TIAM1: variants seen among roughly 807,000 people sequenced by gnomAD.
TIAM1 encodes TIAM Rac1 associated GEF 1.
Under a neutral mutation model 163.5 loss-of-function variants are expected in TIAM1, and 65 were observed. The ratio of observed to expected loss-of-function variants is 0.40; its 90% CI spans 0.33 to 0.49. The LOEUF (loss-of-function observed/expected upper bound fraction) is 0.49, where lower values mean the gene tolerates loss of function less well. Ranked by LOEUF, TIAM1 falls within the 20% of genes least tolerant of loss-of-function variation. The probability of loss-of-function intolerance (pLI) is 0.77; values close to 1 mark genes in which losing one functional copy is unlikely to be tolerated. For missense variants in TIAM1, 1,789 were observed against 2,044.7 expected (o/e 0.87, Z 2.41); for synonymous variants, 833 against 810.1 (o/e 1.03, Z -0.48).
At chr21:31,427,341 G>C (rs2043828434) in intron 2 of TIAM1, among the ~76,000 whole-genome samples, 1 of 151,980 alleles carries the variant, frequency 6.6e-6, no homozygotes, top group South Asian at 2.1e-4. Context: ...CAAAAAATTG[G>C]CCGGGCGTGG....
chr21:31,497,640 A>T (rs2046709923), intron 1 of TIAM1, among the ~76,000 whole-genome samples: 1 of 152,240 alleles, frequency 6.6e-6, no homozygotes. Flanking sequence ...CATATTGTGT[A>T]TTCAAAATAT....
intron 2 of TIAM1, among the ~76,000 whole-genome samples, chr21:31,397,248 A>G (rs182853002): frequency 5.9e-5 from 9 of 152,308 alleles, no homozygotes; most frequent in Admixed American, 3.3e-4. Context: ...ACAAAGAACT[A>G]TCATGCCCGT....
intron 2 of TIAM1, among the ~76,000 whole-genome samples, chr21:31,411,051 C>A (rs74599001): frequency 0.019 from 2,839 of 152,110 alleles, 80 homozygotes; most frequent in African/African-American, 0.065. Flanking sequence ...ACTGTCCTGC[C>A]CACTGGGGAT....
intron 3 of TIAM1, among the ~76,000 whole-genome samples, chr21:31,273,817 T>C (rs1401998721): frequency 7.2e-5 from 11 of 152,246 alleles, no homozygotes; most frequent in Admixed American, 7.2e-4. Flanking sequence ...AAAGCAACTA[T>C]TACAAGTGTG....
At chr21:31,162,472 T>C (rs749487109) in intron 16 of TIAM1, among the ~76,000 whole-genome samples, 8 of 152,096 alleles carry the variant, frequency 5.3e-5, no homozygotes, top group Admixed American at 2.0e-4. Context: ...AAATTTCAAA[T>C]AGAGAAGATG....
rs529301862 is a variant in TIAM1 at position 31,170,951 on chromosome 21, G to T, written c.2888-5886C>A. On this transcript the variant is annotated intron_variant, in intron 15 of 27. Coordinates refer to ENST00000541036, the MANE Select transcript of TIAM1 (RefSeq NM_001353694.2). Reference sequence around the variant, plus strand: ...CTCAGGAGGCTGAGGCAGGAGAACCGCTTGAACCCAAGAGGCAGAGGTTGC... The same window carrying T: ...CTCAGGAGGCTGAGGCAGGAGAACCTCTTGAACCCAAGAGGCAGAGGTTGC... Among the ~76,000 whole-genome samples, 31 of 146,620 alleles carry T rather than the reference G, an allele frequency of 2.1e-4. 1 individual carries two copies. The highest frequency in any genetic ancestry group is 8.0e-4 in the African/African-American group (31 of 38,560).
chr21:31,152,555 A>G (rs1158783576), intron 19 of TIAM1, 81 bp downstream of exon 19: 11 of 1,570,858 alleles, frequency 7.0e-6, no homozygotes, highest in African/African-American at 1.4e-5. Flanking sequence ...TGGCCCTCCA[A>G]TGAAGACATC....
At chr21:31,260,630 T>C (rs558903931) in intron 4 of TIAM1, among the ~76,000 whole-genome samples, 17 of 150,212 alleles carry the variant, frequency 1.1e-4, no homozygotes, top group Non-Finnish European at 2.1e-4. Flanking sequence ...TGAAAATGCA[T>C]GGGTTTGTTT....
At chr21:31,129,458 T>G (rs1194893871) in intron 25 of TIAM1, among the ~76,000 whole-genome samples, 1 of 152,236 alleles carries the variant, frequency 6.6e-6, no homozygotes, top group Non-Finnish European at 1.5e-5. Context: ...GCGGGAGGCT[T>G]GCTTGAGCCC....
chr21:31,127,578 C>T (rs919650227), intron 25 of TIAM1, among the ~76,000 whole-genome samples: 4 of 151,952 alleles, frequency 2.6e-5, no homozygotes, highest in Non-Finnish European at 5.9e-5. Context: ...ACCCCACGCC[C>T]GGCTAATTTT....
intron 1 of TIAM1, among the ~76,000 whole-genome samples, chr21:31,550,722 CACA>C: frequency 6.6e-6 from 1 of 152,170 alleles, no homozygotes; most frequent in African/African-American, 2.4e-5. Context: ...AATGTACCAA[CACA>C]ACATTACCAC....
intron 1 of TIAM1, among the ~76,000 whole-genome samples, chr21:31,518,306 A>T (rs2047450155): frequency 6.6e-6 from 1 of 151,524 alleles, no homozygotes; most frequent in Middle Eastern, 3.2e-3. Flanking sequence ...TTTTTTTTTG[A>T]AATGAAGTTT....
In TIAM1 at chr21:31,130,318, G is replaced by A. The variant is rs748249013; in HGVS notation, c.3943-3C>T. On this transcript the variant is annotated splice_region_variant and splice_polypyrimidine_tract_variant and intron_variant, in intron 24 of 27. Coordinates refer to ENST00000541036, the MANE Select transcript of TIAM1 (RefSeq NM_001353694.2). The stretch of plus-strand genomic sequence containing the variant: ...ATGGAAAGCCTGTGAGATCCTACCT[G>A]CAGAGGAGAAGGAACCAGCTGCATA... 5 of 1,612,356 alleles carry A rather than the reference G, an allele frequency of 3.1e-6. No individual in the cohort carries two copies. Among genetic ancestry groups the A allele is most frequent in the Non-Finnish European group, 4.2e-6 (5 of 1,178,574 alleles).
intron 19 of TIAM1, 56 bp downstream of exon 19, chr21:31,152,580 A>C: frequency 3.1e-6 from 5 of 1,601,032 alleles, no homozygotes; most frequent in Non-Finnish European, 4.3e-6. Context: ...CGATCAGGGG[A>C]TTCAACTTGA....
intron 6 of TIAM1, among the ~76,000 whole-genome samples, chr21:31,238,051 T>C (rs1354348525): frequency 6.6e-6 from 1 of 152,254 alleles, no homozygotes; most frequent in Non-Finnish European, 1.5e-5. Context: ...ATTCCTTTTC[T>C]ACTTTTGTTG....
intron 1 of TIAM1, among the ~76,000 whole-genome samples, chr21:31,499,375 C>T (rs1309643359): frequency 6.6e-6 from 1 of 151,622 alleles, no homozygotes; most frequent in Non-Finnish European, 1.5e-5. Flanking sequence ...GCCTGGGCAA[C>T]ACGGTGAAAT....
At chr21:31,135,871 T>A (rs1428436501) in intron 23 of TIAM1, 62 bp downstream of exon 23, 2 of 1,462,772 alleles carry the variant, frequency 1.4e-6, no homozygotes, top group African/African-American at 2.8e-5. Context: ...AAAAGAAATG[T>A]TCTTGTTTTG....
At chr21:31,145,520 C>T (rs2083068471) in intron 20 of TIAM1, among the ~76,000 whole-genome samples, 1 of 152,126 alleles carries the variant, frequency 6.6e-6, no homozygotes, top group Middle Eastern at 3.2e-3. Context: ...AATCCTTTTA[C>T]CATCAAAAAC....
chr21:31,306,120 C>CAA (rs34221085), intron 2 of TIAM1, among the ~76,000 whole-genome samples: 38 of 151,486 alleles, frequency 2.5e-4, no homozygotes, highest in African/African-American at 7.5e-4. Flanking sequence ...CTCATCTCTA[C>CAA]AAAAAATTTA....
Sources: allele counts gnomAD v4.1 joint callset (sites outside exome capture counted in the v4.1 genomes callset), GRCh38; gene constraint gnomAD v4.1.1; transcripts MANE v1.5; gene names NCBI Gene and HGNC (gene_info 2026-07-23, HGNC 2026-07-21).